MDGA2: variants seen among roughly 807,000 people sequenced by gnomAD.
MDGA2 encodes MAM domain containing glycosylphosphatidylinositol anchor 2.
In MDGA2, 40 loss-of-function variants were observed where a neutral mutation model predicts 117.8. The ratio of observed to expected loss-of-function variants is 0.34; its 90% CI spans 0.26 to 0.44. The LOEUF is 0.44. Ranked by LOEUF, MDGA2 falls within the 20% of genes least tolerant of loss-of-function variation. MDGA2 has a pLI of 1.00. For missense variants in MDGA2, 1,123 were observed against 1,250.6 expected (o/e 0.90, Z 1.54); for synonymous variants, 452 against 439.0 (o/e 1.03, Z -0.37).
At chr14:47,030,204 TA>T (rs1177172582) in intron 8 of MDGA2, among the ~76,000 whole-genome samples, 1 of 152,104 alleles carries the variant, frequency 6.6e-6, no homozygotes, top group Non-Finnish European at 1.5e-5. Flanking sequence ...AACAATCAGG[TA>T]CTTTGTTTAG....
At chr14:47,483,843 G>C (rs1300702617) in intron 1 of MDGA2, among the ~76,000 whole-genome samples, 1 of 152,074 alleles carries the variant, frequency 6.6e-6, no homozygotes, top group Non-Finnish European at 1.5e-5. Context: ...ATATTATAAA[G>C]ACAAGAGCTG....
chr14:47,578,526 T>C (rs541173603), intron 1 of MDGA2, among the ~76,000 whole-genome samples: 6 of 152,284 alleles, frequency 3.9e-5, no homozygotes, highest in African/African-American at 1.4e-4. Flanking sequence ...TATCAAAATC[T>C]AAATTCAGTT....
chr14:46,894,346 T>C (rs1882997146), intron 10 of MDGA2, among the ~76,000 whole-genome samples: 1 of 152,134 alleles, frequency 6.6e-6, no homozygotes. Flanking sequence ...CTTCTTCTTA[T>C]ATCAAATGTG....
intron 1 of MDGA2, among the ~76,000 whole-genome samples, chr14:47,423,730 G>C (rs777123984): frequency 1.3e-5 from 2 of 152,108 alleles, no homozygotes; most frequent in Non-Finnish European, 2.9e-5. Context: ...TAGTGACTAA[G>C]ATTGTTAAAG....
At chr14:47,125,521 A>T (rs1881857000) in intron 5 of MDGA2, among the ~76,000 whole-genome samples, 1 of 151,948 alleles carries the variant, frequency 6.6e-6, no homozygotes, top group Admixed American at 6.6e-5. Context: ...GGAAACAAAG[A>T]CGTTTCTTGA....
chr14:47,258,351 C>T (rs1050526061), intron 2 of MDGA2, among the ~76,000 whole-genome samples: 5 of 151,866 alleles, frequency 3.3e-5, no homozygotes, highest in South Asian at 2.1e-4. Flanking sequence ...TGGTGGAAGG[C>T]GGAGAGGAAG....
chr14:47,247,582 C>T lies in MDGA2; in HGVS notation c.421-29387G>A, dbSNP rs574535015. ...CCTCCCAAAGTGCTGGGATTACAGG[C>T]GTGAGCCACCGTGTCCAGACTAGTT... On this transcript the variant is annotated intron_variant, in intron 2 of 16. Transcript: ENST00000399232. Among the ~76,000 whole-genome samples, 28 of 151,060 alleles carry T rather than the reference C, an allele frequency of 1.9e-4. 2 individuals are homozygous for T. The highest frequency in any genetic ancestry group is 4.0e-4 in the Non-Finnish European group (27 of 67,638).
chr14:47,461,556 C>A (rs1309221210), intron 1 of MDGA2, among the ~76,000 whole-genome samples: 1 of 152,110 alleles, frequency 6.6e-6, no homozygotes, highest in Non-Finnish European at 1.5e-5. Flanking sequence ...TGGTTTCCCA[C>A]TGTGAGCATC....
intron 2 of MDGA2, among the ~76,000 whole-genome samples, chr14:47,235,366 G>A (rs900579919): frequency 1.4e-4 from 21 of 152,158 alleles, no homozygotes; most frequent in African/African-American, 4.8e-4. Context: ...TTTGAAGGAG[G>A]AGGTTTTATT....
At chr14:46,978,489 C>G (rs1466275975) in intron 8 of MDGA2, among the ~76,000 whole-genome samples, 1 of 151,980 alleles carries the variant, frequency 6.6e-6, no homozygotes, top group African/African-American at 2.4e-5. Context: ...AGTGGATGCT[C>G]TCATGATATA....
At chr14:46,974,575 A>G (rs1468422107) in intron 8 of MDGA2, among the ~76,000 whole-genome samples, 1 of 152,170 alleles carries the variant, frequency 6.6e-6, no homozygotes, top group African/African-American at 2.4e-5. Flanking sequence ...TACCCCTTGC[A>G]TATATGGTAA....
At chr14:47,170,332 G>A (rs572677529) in intron 3 of MDGA2, among the ~76,000 whole-genome samples, 1 of 152,190 alleles carries the variant, frequency 6.6e-6, no homozygotes, top group Non-Finnish European at 1.5e-5. Flanking sequence ...CTGATAATGA[G>A]GAAATAAATC....
chr14:47,492,798 A>T (rs976642403), intron 1 of MDGA2, among the ~76,000 whole-genome samples: 5 of 152,082 alleles, frequency 3.3e-5, no homozygotes, highest in African/African-American at 7.2e-5. Context: ...TGACCTTGCT[A>T]AATTATATGA....
At chr14:47,673,013 G>C (rs1898103408) in intron 1 of MDGA2, among the ~76,000 whole-genome samples, 1 of 152,120 alleles carries the variant, frequency 6.6e-6, no homozygotes, top group African/African-American at 2.4e-5. Flanking sequence ...ACTTGGGAAG[G>C]AGGGGTTGGG....
intron 14 of MDGA2, among the ~76,000 whole-genome samples, chr14:46,862,494 ATTTTAC>A (rs1327207730): frequency 2.7e-5 from 4 of 150,128 alleles, no homozygotes; most frequent in Non-Finnish European, 4.4e-5. Flanking sequence ...TCTTAACATA[ATTTTAC>A]TTTTAATTAT....
intron 14 of MDGA2, among the ~76,000 whole-genome samples, chr14:46,869,050 T>TCC (rs1881891441): frequency 6.6e-6 from 1 of 151,920 alleles, no homozygotes; most frequent in Non-Finnish European, 1.5e-5. Context: ...CTCTTTTTCC[T>TCC]CTTAAAATAA....
intron 8 of MDGA2, chr14:46,997,020 G>T: frequency 2.9e-6 from 1 of 339,560 alleles, no homozygotes; most frequent in Non-Finnish European, 5.6e-6. Flanking sequence ...TGTTGGATTT[G>T]ATTAAGGTTT....
chr14:47,492,894 C>G (rs1214190590), intron 1 of MDGA2, among the ~76,000 whole-genome samples: 1 of 152,040 alleles, frequency 6.6e-6, no homozygotes, highest in Non-Finnish European at 1.5e-5. Context: ...ACAGTTATAT[C>G]TTAAAAGTAT....
intron 8 of MDGA2, among the ~76,000 whole-genome samples, chr14:47,018,879 T>C (rs1459337541): frequency 6.7e-6 from 1 of 149,636 alleles, no homozygotes; most frequent in East Asian, 2.0e-4. Flanking sequence ...ACCAGACACA[T>C]ATGGCTGTCA....
Sources: gnomAD v4.1 joint callset for allele counts (sites outside exome capture counted in the v4.1 genomes callset) on GRCh38, gnomAD v4.1.1 for gene constraint, MANE v1.5 for transcripts, NCBI Gene and HGNC (gene_info 2026-07-23, HGNC 2026-07-21) for gene names.